The following CCT3 variants were observed in gnomAD, a reference collection of about 807,000 sequenced individuals.
CCT3 encodes T-complex protein 1 subunit gamma.
Under a neutral mutation model 65.3 loss-of-function variants are expected in CCT3, and 10 were observed. The observed-to-expected ratio is 0.15, with a 90% confidence interval of 0.09 to 0.26. CCT3 has a LOEUF of 0.26. Among genes scored for constraint, CCT3 ranks in the 10% least tolerant of loss-of-function variants. The pLI is 1.00. For missense variants in CCT3, 626 were observed against 708.7 expected (o/e 0.88, Z 1.33); for synonymous variants, 225 against 242.3 (o/e 0.93, Z 0.66).
chr1:156,313,964 T>C (rs1463660175), intron 10 of CCT3, among the ~76,000 whole-genome samples: 1 of 151,864 alleles, frequency 6.6e-6, no homozygotes, highest in Non-Finnish European at 1.5e-5. Flanking sequence ...GGTGCGCACC[T>C]GTAGTCCCAG....
chr1:156,322,151 T>C lies in CCT3; in HGVS notation c.423-1126A>G, dbSNP rs372695296. 3.3e-5 allele frequency among the ~76,000 whole-genome samples: 5 copies of C among 152,290 alleles called. No individual in the cohort carries two copies. In the East Asian group the frequency reaches 7.7e-4, roughly 24 times the overall value. On this transcript the variant is annotated intron_variant, in intron 6 of 13. Coordinates refer to ENST00000295688, the MANE Select transcript of CCT3 (RefSeq NM_005998.5). ...AGCTACTTGGGAAGCTGGGGCAGGA[T>C]TGCTTGAGCCCAGGAGCTGGAAGCT... is the stretch of plus-strand genomic sequence containing the variant.
chr1:156,314,607 G>A (rs1664230988), intron 10 of CCT3, among the ~76,000 whole-genome samples: 1 of 152,088 alleles, frequency 6.6e-6, no homozygotes, highest in South Asian at 2.1e-4. Context: ...CCAGCTACTC[G>A]GGAGGCTGAG....
At chr1:156,334,801 T>G (rs1436413756) in intron 3 of CCT3, 26 bp from the exon 4 acceptor site, 1 of 1,613,812 alleles carries the variant, frequency 6.2e-7, no homozygotes, top group Admixed American at 1.7e-5. Flanking sequence ...AAGTTATATT[T>G]AAAGTGTCCT....
chr1:156,317,328 AC>A, intron 9 of CCT3, 81 bp from the exon 10 acceptor site: 1 of 1,589,388 alleles, frequency 6.3e-7, no homozygotes, highest in Non-Finnish European at 8.6e-7. Context: ...TGACACTATT[AC>A]GCCCCTGCCA....
intron 6 of CCT3, among the ~76,000 whole-genome samples, 196 bp downstream of exon 6, chr1:156,324,776 C>T (rs998129313): frequency 2.0e-5 from 3 of 149,100 alleles, no homozygotes; most frequent in Admixed American, 6.8e-5. Flanking sequence ...GACACGCATG[C>T]GCCACCATGC....
At chr1:156,333,461 T>G in intron 5 of CCT3, 86 bp downstream of exon 5, 1 of 917,312 alleles carries the variant, frequency 1.1e-6, no homozygotes, top group Non-Finnish European at 1.8e-6. Context: ...CTGTAATTAG[T>G]GGATCTGTAA....
chr1:156,336,091 G>A, intron 1 of CCT3: 1 of 441,674 alleles, frequency 2.3e-6, no homozygotes, highest in Non-Finnish European at 4.0e-6. Context: ...TGTCCTTATG[G>A]CTGTTAACTT....
intron 6 of CCT3, 54 bp downstream of exon 6, chr1:156,324,918 C>T (rs775706802): frequency 3.9e-5 from 47 of 1,214,910 alleles, no homozygotes; most frequent in Non-Finnish European, 5.5e-5. Context: ...TGAGCCACCA[C>T]GTCTAGCCAG....
chr1:156,318,768 C>T lies in CCT3; in HGVS notation c.759+100G>A, dbSNP rs781599540. On this transcript the variant is annotated intron_variant, in intron 8 of 13. Coordinates refer to ENST00000295688, the MANE Select transcript of CCT3 (RefSeq NM_005998.5). ...GTTCTAAGAGTCAGTGTACACTATG[C>T]ACCCAGAAGGCATGCAATAAACATA... 211 of 1,126,938 alleles carry T rather than the reference C, an allele frequency of 1.9e-4. 1 individual carries two copies. Among genetic ancestry groups the T allele is most frequent in the Non-Finnish European group, 2.7e-4 (208 of 781,218 alleles). 69.8% of individuals were successfully genotyped at this position (1,126,938 alleles called of 1,614,324 possible).
chr1:156,331,352 G>A (rs909623186), intron 5 of CCT3, among the ~76,000 whole-genome samples: 14 of 152,038 alleles, frequency 9.2e-5, no homozygotes, highest in African/African-American at 3.4e-4. Flanking sequence ...TTTTGATTAA[G>A]AACTTTATTT....
intron 5 of CCT3, among the ~76,000 whole-genome samples, chr1:156,327,502 G>A (rs964014142): frequency 3.3e-5 from 5 of 152,162 alleles, no homozygotes; most frequent in Non-Finnish European, 5.9e-5. Context: ...TGTGTTGGCC[G>A]GGCTGGTCTC....
rs566016444 is a variant in CCT3, at chr1:156,318,859, G to T, written c.759+9C>A. ...CATCTACTTTAAGGAACAAGGCCAAGAACCTTACCTGGCTTTCTCCTTTCT... is the reference window on the plus strand; with the variant it reads ...CATCTACTTTAAGGAACAAGGCCAATAACCTTACCTGGCTTTCTCCTTTCT... On this transcript the variant is annotated intron_variant, in intron 8 of 13. Coordinates refer to ENST00000295688, the MANE Select transcript of CCT3 (RefSeq NM_005998.5). 6.2e-7 allele frequency: 1 copy of T among 1,609,530 alleles called. No homozygotes were observed. The highest frequency in any genetic ancestry group is 1.3e-5 in the African/African-American group (1 of 74,790).
In CCT3 at chr1:156,311,249, G is replaced by A. The variant is rs200785011; in HGVS notation, c.1156-54C>T. On this transcript the variant is annotated intron_variant, in intron 11 of 13. Coordinates refer to ENST00000295688, the MANE Select transcript of CCT3 (RefSeq NM_005998.5). ...CCAAAGCTTGATGACTCATAAAATC[G>A]GAGGCACCAAAAGGACTTCCTAACT... 5.0e-4 allele frequency: 791 copies of A among 1,568,986 alleles called. 1 individual carries two copies. Among genetic ancestry groups the A allele is most frequent in the Non-Finnish European group, 6.0e-4 (687 of 1,153,752 alleles).
At chr1:156,328,102 C>T (rs1664925823) in intron 5 of CCT3, among the ~76,000 whole-genome samples, 1 of 141,804 alleles carries the variant, frequency 7.1e-6, no homozygotes, top group East Asian at 2.2e-4. Flanking sequence ...CAGCCAGCCG[C>T]CCCGTCCGGG....
At position 156,335,820 on chromosome 1, in the gene CCT3, T is replaced by C; in HGVS notation, c.93+7A>G. 5 of 1,612,986 alleles carry C rather than the reference T, an allele frequency of 3.1e-6. No homozygotes were observed. The highest frequency in any genetic ancestry group is 1.1e-5 in the South Asian group (1 of 91,032). ...AAACTACCATAAACACTTAAAAGAT[T>C]TGTGACCTTGGCAGCATTGATGTTT... On this transcript the variant is annotated splice_region_variant and intron_variant, in intron 2 of 13. Coordinates refer to ENST00000295688, the MANE Select transcript of CCT3 (RefSeq NM_005998.5).
intron 8 of CCT3, 100 bp from the exon 9 acceptor site, chr1:156,317,647 A>T (rs1055597239): frequency 1.8e-6 from 2 of 1,142,630 alleles, no homozygotes; most frequent in Non-Finnish European, 2.5e-6. Context: ...CACGTATCTC[A>T]GAGTCAGAAT....
chr1:156,335,978 C>T (rs1057014909), intron 1 of CCT3, 90 bp from the exon 2 acceptor site: 53 of 1,034,474 alleles, frequency 5.1e-5, no homozygotes, highest in South Asian at 1.1e-4. Context: ...AATAAGAATG[C>T]AGGTTTCATG....
intron 10 of CCT3, among the ~76,000 whole-genome samples, chr1:156,312,541 T>A: frequency 6.6e-6 from 1 of 151,858 alleles, no homozygotes; most frequent in Middle Eastern, 3.2e-3. Context: ...TACCTGTAGC[T>A]CCAGCTACTC....
chr1:156,331,695 A>G (rs1305360447), intron 5 of CCT3, among the ~76,000 whole-genome samples: 6 of 150,944 alleles, frequency 4.0e-5, no homozygotes, highest in African/African-American at 1.5e-4. Flanking sequence ...AAACATAAAT[A>G]AATAAATAAA....
Sources: gnomAD v4.1 joint callset for allele counts (sites outside exome capture counted in the v4.1 genomes callset) on GRCh38, gnomAD v4.1.1 for gene constraint, MANE v1.5 for transcripts, NCBI Gene and HGNC (gene_info 2026-07-23, HGNC 2026-07-21) for gene names.